ST6GALNAC3: variants seen among roughly 807,000 people sequenced by gnomAD.
The protein encoded by ST6GALNAC3 is ST6 N-acetylgalactosaminide alpha-2,6-sialyltransferase 3.
A neutral mutation model predicts 32.7 loss-of-function variants in ST6GALNAC3; 25 were observed. That is an observed-to-expected ratio of 0.76 (90% CI 0.56 to 1.07). The LOEUF is 1.07. Among genes scored for constraint, ST6GALNAC3 ranks in the 50% least tolerant of loss-of-function variants. The probability of loss-of-function intolerance (pLI) is 0.00; values close to 1 mark genes in which losing one functional copy is unlikely to be tolerated. For synonymous variants in ST6GALNAC3, 129 were observed against 133.1 expected (o/e 0.97, Z 0.21); for missense variants, 355 against 382.4 (o/e 0.93, Z 0.60).
At chr1:76,174,706 G>C (rs192398435) in intron 1 of ST6GALNAC3, among the ~76,000 whole-genome samples, 1 of 132,892 alleles carries the variant, frequency 7.5e-6, no homozygotes, top group African/African-American at 2.8e-5. Context: ...TCTCTCTGTT[G>C]CCCAGGCTGG....
chr1:76,234,449 T>A (rs1431811610), intron 1 of ST6GALNAC3, among the ~76,000 whole-genome samples: 1 of 152,222 alleles, frequency 6.6e-6, no homozygotes, highest in Non-Finnish European at 1.5e-5. Context: ...TCAGGATCTC[T>A]CACATGCCAG....
intron 3 of ST6GALNAC3, among the ~76,000 whole-genome samples, chr1:76,430,487 C>G (rs572568795): frequency 4.9e-4 from 74 of 152,312 alleles, no homozygotes; most frequent in African/African-American, 1.8e-3. Flanking sequence ...AGCTTTGCAT[C>G]TTTGCTGACC....
chr1:76,158,906 G>A (rs1367538372), intron 1 of ST6GALNAC3, among the ~76,000 whole-genome samples: 1 of 152,154 alleles, frequency 6.6e-6, no homozygotes, highest in Non-Finnish European at 1.5e-5. Flanking sequence ...GCCATGCTTT[G>A]GGGTTTGCCC....
chr1:76,407,082 C>A (rs1653886681), intron 2 of ST6GALNAC3, among the ~76,000 whole-genome samples: 1 of 152,060 alleles, frequency 6.6e-6, no homozygotes, highest in East Asian at 1.9e-4. Flanking sequence ...ATAATCAAGT[C>A]ATTTTTTCCT....
intron 3 of ST6GALNAC3, among the ~76,000 whole-genome samples, chr1:76,421,763 A>C (rs1196511875): frequency 6.6e-6 from 1 of 152,050 alleles, no homozygotes; most frequent in Non-Finnish European, 1.5e-5. Context: ...CAACTGCATA[A>C]ATGAAGAATA....
At chr1:76,409,950 G>C in intron 2 of ST6GALNAC3, among the ~76,000 whole-genome samples, 1 of 152,096 alleles carries the variant, frequency 6.6e-6, no homozygotes, top group East Asian at 1.9e-4. Flanking sequence ...AATATTTCCA[G>C]AACATAAGCG....
chr1:76,300,702 A>G (rs1240681594), intron 1 of ST6GALNAC3, among the ~76,000 whole-genome samples: 1 of 152,072 alleles, frequency 6.6e-6, no homozygotes, highest in East Asian at 1.9e-4. Context: ...ATGATTGATT[A>G]GCAATGTCTG....
intron 1 of ST6GALNAC3, among the ~76,000 whole-genome samples, chr1:76,076,006 C>T (rs1215823028): frequency 6.6e-6 from 1 of 152,190 alleles, no homozygotes; most frequent in African/African-American, 2.4e-5. Context: ...AGACTAACCT[C>T]GTAGAAGTTG....
chr1:76,625,983 G>A (rs182095486), intron 3 of ST6GALNAC3, among the ~76,000 whole-genome samples: 1 of 152,020 alleles, frequency 6.6e-6, no homozygotes, highest in East Asian at 1.9e-4. Flanking sequence ...CAAAGTCAAT[G>A]CAAGTAAAGG....
At chr1:76,485,332 G>T (rs1660038014) in intron 3 of ST6GALNAC3, among the ~76,000 whole-genome samples, 1 of 152,222 alleles carries the variant, frequency 6.6e-6, no homozygotes. Flanking sequence ...GTAGAATTAG[G>T]CTGTGAATCC....
chr1:76,292,329 A>T (rs927730102), intron 1 of ST6GALNAC3, among the ~76,000 whole-genome samples: 3 of 151,956 alleles, frequency 2.0e-5, no homozygotes, highest in Non-Finnish European at 4.4e-5. Context: ...TGATACACTG[A>T]TACACCTGGG....
chr1:76,570,849 A>G (rs1665818123), intron 3 of ST6GALNAC3, among the ~76,000 whole-genome samples: 1 of 151,720 alleles, frequency 6.6e-6, no homozygotes, highest in African/African-American at 2.4e-5. Context: ...CTCTCCTTTA[A>G]TCGCTCAATG....
chr1:76,142,806 T>C (rs289686), intron 1 of ST6GALNAC3: 119,219 of 450,138 alleles, frequency 0.26, 17,682 homozygotes, highest in Middle Eastern at 0.4. Context: ...CCCCGCTTCC[T>C]TGTCTTGAAT....
chr1:76,627,629 T>G, intron 4 of ST6GALNAC3, 70 bp downstream of exon 4: 1 of 1,114,760 alleles, frequency 9.0e-7, no homozygotes, highest in Non-Finnish European at 1.4e-6. Flanking sequence ...ACAATTCATT[T>G]TAATACCATA....
intron 1 of ST6GALNAC3, among the ~76,000 whole-genome samples, chr1:76,217,907 A>C (rs1439393491): frequency 6.6e-6 from 1 of 151,966 alleles, no homozygotes; most frequent in African/African-American, 2.4e-5. Context: ...TTTCTTTATC[A>C]GCTTGTTGGC....
chr1:76,317,487 A>G (rs1646887113), intron 2 of ST6GALNAC3, among the ~76,000 whole-genome samples: 1 of 152,128 alleles, frequency 6.6e-6, no homozygotes, highest in African/African-American at 2.4e-5. Flanking sequence ...TTCTATTCTA[A>G]TTCTGAGAAG....
intron 2 of ST6GALNAC3, among the ~76,000 whole-genome samples, chr1:76,356,086 T>C (rs1649417802): frequency 6.6e-6 from 1 of 152,204 alleles, no homozygotes; most frequent in African/African-American, 2.4e-5. Context: ...GCTAATATTC[T>C]GGTTCCGTTC....
chr1:76,234,026 G>T (rs1656514642), intron 1 of ST6GALNAC3, among the ~76,000 whole-genome samples: 2 of 152,180 alleles, frequency 1.3e-5, no homozygotes, highest in Admixed American at 6.5e-5. Flanking sequence ...TTAAATAAAT[G>T]TGAAAATATA....
chr1:76,577,458 C>A, intron 3 of ST6GALNAC3: 2 of 281,344 alleles, frequency 7.1e-6, no homozygotes, highest in Non-Finnish European at 1.1e-5. Context: ...AAAATTAAAG[C>A]ATTAAAATTT....
Sources: allele counts gnomAD v4.1 joint callset (sites outside exome capture counted in the v4.1 genomes callset), GRCh38; gene constraint gnomAD v4.1.1; transcripts MANE v1.5; gene names NCBI Gene and HGNC (gene_info 2026-07-23, HGNC 2026-07-21).